PRELID2: variants seen among roughly 807,000 people sequenced by gnomAD.
PRELID2 encodes PRELI domain containing 2.
Under a neutral mutation model 28.4 loss-of-function variants are expected in PRELID2, and 25 were observed. The ratio of observed to expected loss-of-function variants is 0.88; its 90% CI spans 0.64 to 1.23. The LOEUF (loss-of-function observed/expected upper bound fraction) is 1.23. Ranked by LOEUF, PRELID2 falls within the 50% of genes most tolerant of loss-of-function variation. PRELID2 has a pLI of 0.00. For synonymous variants in PRELID2, 76 were observed against 71.6 expected, an observed-to-expected ratio of 1.06 and a Z score of -0.31; for missense variants, 201 against 214.4, an observed-to-expected ratio of 0.94 and a Z score of 0.39.
chr5:145,739,198 C>A (rs1290188397), intron 1 of PRELID2, among the ~76,000 whole-genome samples: 1 of 152,088 alleles, frequency 6.6e-6, no homozygotes, highest in East Asian at 1.9e-4. Context: ...AACATAAAAA[C>A]AATTTAAATA....
chr5:145,771,835 A>G (rs1758126983), intron 5 of PRELID2, among the ~76,000 whole-genome samples: 1 of 152,100 alleles, frequency 6.6e-6, no homozygotes, highest in Admixed American at 6.6e-5. Context: ...AGCCTGGGCA[A>G]TAAGAGCAAG....
intron 4 of PRELID2, among the ~76,000 whole-genome samples, chr5:145,799,624 C>A (rs1361722991): frequency 6.6e-6 from 1 of 152,154 alleles, no homozygotes; most frequent in Non-Finnish European, 1.5e-5. Context: ...CACAAGTTAT[C>A]TAAAAATGCC....
the PRELID2 span, among the ~76,000 whole-genome samples, chr5:145,311,871 T>C: frequency 6.6e-6 from 1 of 152,086 alleles, no homozygotes; most frequent in Non-Finnish European, 1.5e-5. Flanking sequence ...TCATAACAGA[T>C]ATGAGAAGGG....
At chr5:145,685,544 T>C (rs987082787) in intron 1 of PRELID2, among the ~76,000 whole-genome samples, 2 of 152,154 alleles carry the variant, frequency 1.3e-5, no homozygotes, top group Non-Finnish European at 2.9e-5. Context: ...ACCATTTTTT[T>C]CCTACCCTCA....
At chr5:145,410,360 C>A in the PRELID2 span, among the ~76,000 whole-genome samples, 3 of 152,186 alleles carry the variant, frequency 2.0e-5, no homozygotes, top group South Asian at 4.1e-4. Flanking sequence ...AAATGATCAG[C>A]AGTGTTAAAG....
At chr5:145,343,802 T>C in the PRELID2 span, among the ~76,000 whole-genome samples, 1 of 151,222 alleles carries the variant, frequency 6.6e-6, no homozygotes, top group Non-Finnish European at 1.5e-5. Context: ...TATACCCAAA[T>C]AAGCAAAATC....
the PRELID2 span, among the ~76,000 whole-genome samples, chr5:145,321,997 T>C: frequency 6.6e-6 from 1 of 152,204 alleles, no homozygotes. Context: ...GATTTTTGTT[T>C]GTATACAGAT....
At chr5:145,720,846 TG>T (rs1257067248) in intron 1 of PRELID2, among the ~76,000 whole-genome samples, 4 of 152,058 alleles carry the variant, frequency 2.6e-5, no homozygotes, top group Non-Finnish European at 4.4e-5. Context: ...CATTGATTGT[TG>T]TATAGAAGCA....
the PRELID2 span, among the ~76,000 whole-genome samples, chr5:145,403,156 G>A: frequency 6.6e-6 from 1 of 152,124 alleles, no homozygotes; most frequent in Non-Finnish European, 1.5e-5. Flanking sequence ...GAGTCACTGG[G>A]GAACCAAACT....
intron 1 of PRELID2, among the ~76,000 whole-genome samples, chr5:145,547,242 G>T (rs932395436): frequency 6.6e-6 from 1 of 152,050 alleles, no homozygotes; most frequent in Non-Finnish European, 1.5e-5. Context: ...TAATCTTCAC[G>T]AAAAAGTCCA....
chr5:145,512,630 C>T (rs1364799477), intron 1 of PRELID2, among the ~76,000 whole-genome samples: 10 of 152,344 alleles, frequency 6.6e-5, no homozygotes, highest in Non-Finnish European at 1.5e-5. Context: ...AGTGCTCTAA[C>T]TCTGCTAAGG....
intron 1 of PRELID2, among the ~76,000 whole-genome samples, chr5:145,674,655 A>G (rs1002049051): frequency 2.0e-5 from 3 of 152,166 alleles, no homozygotes; most frequent in Admixed American, 2.0e-4. Flanking sequence ...TTTAAATGTA[A>G]GACTATGGCC....
the PRELID2 span, among the ~76,000 whole-genome samples, chr5:145,435,344 G>A: frequency 2.0e-5 from 3 of 152,146 alleles, no homozygotes; most frequent in African/African-American, 7.2e-5. Flanking sequence ...TCTAGGTAGA[G>A]AACATTCCAA....
chr5:145,256,110 C>T, the PRELID2 span, among the ~76,000 whole-genome samples: 1 of 151,670 alleles, frequency 6.6e-6, no homozygotes, highest in East Asian at 1.9e-4. Flanking sequence ...AAGGTGTCAC[C>T]AAGATAGTGT....
chr5:145,449,273 C>G, the PRELID2 span, among the ~76,000 whole-genome samples: 1 of 152,004 alleles, frequency 6.6e-6, no homozygotes, highest in Non-Finnish European at 1.5e-5. Context: ...AGGTCATAAA[C>G]GGACTTAAAG....
chr5:145,508,600 G>A (rs889730490), intron 1 of PRELID2, among the ~76,000 whole-genome samples: 7 of 151,978 alleles, frequency 4.6e-5, no homozygotes, highest in Non-Finnish European at 5.9e-5. Flanking sequence ...AAAACATTGT[G>A]TCTGTCCCTA....
the PRELID2 span, among the ~76,000 whole-genome samples, chr5:145,277,961 G>T: frequency 6.6e-6 from 1 of 152,114 alleles, no homozygotes; most frequent in Non-Finnish European, 1.5e-5. Context: ...TTCCATCTGA[G>T]TCTGCTTCCG....
chr5:145,559,364 A>AT (rs1437903700), intron 1 of PRELID2, among the ~76,000 whole-genome samples: 1 of 152,210 alleles, frequency 6.6e-6, no homozygotes, highest in Non-Finnish European at 1.5e-5. Context: ...TATGGGGCTA[A>AT]TAAAAAAAAG....
At chr5:145,533,784 T>G (rs1752674224) in intron 1 of PRELID2, among the ~76,000 whole-genome samples, 1 of 152,096 alleles carries the variant, frequency 6.6e-6, no homozygotes, top group Non-Finnish European at 1.5e-5. Context: ...TGAAATTCTG[T>G]AGTTAGGATT....
Sources: gnomAD v4.1 joint callset for allele counts (sites outside exome capture counted in the v4.1 genomes callset) on GRCh38, gnomAD v4.1.1 for gene constraint, MANE v1.5 for transcripts, NCBI Gene and HGNC (gene_info 2026-07-23, HGNC 2026-07-21) for gene names.